Variants in TTC28 observed in about 807,000 individuals in gnomAD.
The protein encoded by TTC28 is tetratricopeptide repeat domain 28, also known as tetratricopeptide repeat protein 28.
In TTC28, 61 loss-of-function variants were observed where a neutral mutation model predicts 198.0. That is an observed-to-expected ratio of 0.31 (90% CI 0.25 to 0.38). TTC28 has a LOEUF of 0.38. Ranked by LOEUF, TTC28 falls within the 10% of genes least tolerant of loss-of-function variation. The probability of loss-of-function intolerance (pLI) is 1.00; values close to 1 mark genes in which losing one functional copy is unlikely to be tolerated. For synonymous variants in TTC28, 1,171 were observed against 1,297.8 expected, an observed-to-expected ratio of 0.90 and a Z score of 2.10; for missense variants, 2,678 against 3,164.0, an observed-to-expected ratio of 0.85 and a Z score of 3.69.
chr22:28,591,042 T>G (rs1018502), intron 2 of TTC28, among the ~76,000 whole-genome samples: 1 of 32,580 alleles, frequency 3.1e-5, no homozygotes, highest in Admixed American at 3.6e-4. Context: ...CACACACACA[T>G]ATATATATAT....
chr22:28,383,564 C>A (rs1010157442), intron 2 of TTC28, among the ~76,000 whole-genome samples: 1 of 152,212 alleles, frequency 6.6e-6, no homozygotes, highest in Non-Finnish European at 1.5e-5. Context: ...CATTATTTCT[C>A]TACTCAATAA....
chr22:28,553,132 C>T (rs575791711), intron 2 of TTC28, among the ~76,000 whole-genome samples: 31 of 152,310 alleles, frequency 2.0e-4, no homozygotes, highest in African/African-American at 6.7e-4. Context: ...GATCTCCGCT[C>T]GCTGCAACCT....
intron 12 of TTC28, among the ~76,000 whole-genome samples, chr22:28,047,797 A>G (rs1191425809): frequency 6.6e-6 from 1 of 152,194 alleles, no homozygotes; most frequent in Non-Finnish European, 1.5e-5. Flanking sequence ...ATTCAAGTGA[A>G]GAGGAAGAGG....
chr22:28,338,718 GT>G (rs1371591044), intron 2 of TTC28, among the ~76,000 whole-genome samples: 2 of 151,948 alleles, frequency 1.3e-5, no homozygotes, highest in Non-Finnish European at 2.9e-5. Context: ...CTCTGCATTG[GT>G]TATTCTAGTT....
intron 5 of TTC28, among the ~76,000 whole-genome samples, chr22:28,205,793 C>T (rs369642409): frequency 4.6e-5 from 7 of 151,916 alleles, no homozygotes; most frequent in Non-Finnish European, 4.4e-5. Context: ...CTTTTATGAG[C>T]CACATTTATT....
In TTC28 at chr22:28,205,000, T is replaced by C. The variant is rs147875325; in HGVS notation, c.934-41401A>G. 9.6e-4 allele frequency among the ~76,000 whole-genome samples: 146 copies of C among 152,244 alleles called. 1 individual carries two copies. The highest frequency in any genetic ancestry group is 3.2e-3 in the African/African-American group (133 of 41,550). On this transcript the variant is annotated intron_variant, in intron 5 of 22. Coordinates refer to ENST00000397906, the MANE Select transcript of TTC28 (RefSeq NM_001145418.2). ...GGACCAAATGCCAAAATCTCATATA[T>C]GTTTCAGGTAAAATACGATCTTAGC...
At chr22:28,645,141 T>C (rs1016064159) in intron 1 of TTC28, among the ~76,000 whole-genome samples, 17 of 148,102 alleles carry the variant, frequency 1.1e-4, no homozygotes, top group Non-Finnish European at 1.3e-4. Flanking sequence ...AGACTCCGTC[T>C]CAAAAAAAAA....
intron 6 of TTC28, among the ~76,000 whole-genome samples, chr22:28,125,269 C>T (rs1027206597): frequency 6.6e-6 from 1 of 152,210 alleles, no homozygotes; most frequent in Non-Finnish European, 1.5e-5. Context: ...GGATCAGGTT[C>T]TCTGAGCCCT....
intron 2 of TTC28, among the ~76,000 whole-genome samples, chr22:28,415,987 G>C (rs180707999): frequency 6.6e-6 from 1 of 152,114 alleles, no homozygotes; most frequent in African/African-American, 2.4e-5. Context: ...TCTAAAAAAG[G>C]CATTGAACTT....
intron 2 of TTC28, among the ~76,000 whole-genome samples, chr22:28,524,568 G>C (rs948076112): frequency 6.6e-6 from 1 of 152,002 alleles, no homozygotes; most frequent in Admixed American, 6.6e-5. Context: ...TTGAGCTCAG[G>C]AGTTCAAGAC....
intron 2 of TTC28, among the ~76,000 whole-genome samples, chr22:28,480,654 A>G (rs1286300752): frequency 6.6e-6 from 1 of 152,182 alleles, no homozygotes; most frequent in Non-Finnish European, 1.5e-5. Flanking sequence ...CTGAGGTTCC[A>G]GAAGCTCAAG....
rs1173348058 is a variant in TTC28 at position 28,527,606 on chromosome 22, C to A, written c.381+101946G>T. Among the ~76,000 whole-genome samples the A allele has an allele frequency of 2.0e-5, 3 of 152,148 alleles. No individual in the cohort carries two copies. The South Asian group carries it at 6.2e-4, about 32-fold the overall frequency. ...AAGCTTTAGGGTGCCCTAGAGAGTT[C>A]TCTTAAATGTTACAGATACACTTAT... On this transcript the variant is annotated intron_variant, in intron 2 of 22. Transcript: ENST00000397906.
At chr22:28,570,341 T>C (rs891023835) in intron 2 of TTC28, among the ~76,000 whole-genome samples, 1 of 151,954 alleles carries the variant, frequency 6.6e-6, no homozygotes, top group Non-Finnish European at 1.5e-5. Context: ...ATAAAGAAAA[T>C]ATAAATTCCA....
intron 2 of TTC28, among the ~76,000 whole-genome samples, chr22:28,360,164 T>G (rs1179177971): frequency 6.6e-6 from 1 of 152,164 alleles, no homozygotes; most frequent in African/African-American, 2.4e-5. Context: ...ATCATCATCA[T>G]CATCTTGAAG....
chr22:28,487,251 A>G (rs192463882), intron 2 of TTC28, among the ~76,000 whole-genome samples: 103 of 152,124 alleles, frequency 6.8e-4, no homozygotes, highest in African/African-American at 2.4e-3. Flanking sequence ...TAATAAGATT[A>G]ATAAATTATC....
At chr22:28,542,982 T>C (rs1014558106) in intron 2 of TTC28, among the ~76,000 whole-genome samples, 3 of 152,172 alleles carry the variant, frequency 2.0e-5, no homozygotes, top group African/African-American at 7.2e-5. Flanking sequence ...CTTAAAGCAA[T>C]GTTGAGAAAT....
At chr22:28,557,228 TC>T (rs966983724) in intron 2 of TTC28, among the ~76,000 whole-genome samples, 2 of 152,238 alleles carry the variant, frequency 1.3e-5, no homozygotes, top group African/African-American at 2.4e-5. Context: ...TAGAAAATTT[TC>T]AGCCATTATC....
At chr22:28,620,642 T>C (rs909226684) in intron 2 of TTC28, among the ~76,000 whole-genome samples, 1 of 152,138 alleles carries the variant, frequency 6.6e-6, no homozygotes, top group Non-Finnish European at 1.5e-5. Context: ...GCTACCAAAA[T>C]GTAGAAGTGG....
In TTC28 at chr22:28,537,293, A is replaced by AAAAATAAAATAACATAAAAT. The variant is rs1555889624; in HGVS notation, c.381+92258_381+92259insATTTTATGTTATTTTATTTT. Among the ~76,000 whole-genome samples, 14 of 110,312 alleles carry AAAAATAAAATAACATAAAAT rather than the reference A, an allele frequency of 1.3e-4. 1 individual carries two copies. The highest frequency in any genetic ancestry group is 1.8e-4 in the African/African-American group (6 of 32,642). The allele number at this position is 110,312 out of a possible 152,430, so 72.4% of individuals were successfully genotyped here. A position where few individuals can be genotyped will look rare whatever the true frequency, so the allele number is the denominator to read the frequency against. On this transcript the variant is annotated intron_variant, in intron 2 of 22. Transcript: ENST00000397906. ...GGGCGACAGAGCCAGACTCCGTCTC[A>AAAAATAAAATAACATAAAAT]AAAATAAAATAAAATAAAATAAAAT...
Sources: allele counts gnomAD v4.1 joint callset (sites outside exome capture counted in the v4.1 genomes callset), GRCh38; gene constraint gnomAD v4.1.1; transcripts MANE v1.5; gene names NCBI Gene and HGNC (gene_info 2026-07-23, HGNC 2026-07-21).